DEAF1: variants seen among roughly 807,000 people sequenced by gnomAD.
DEAF1 encodes DEAF1 transcription factor, also known as deformed epidermal autoregulatory factor 1 homolog.
Under a neutral mutation model 58.9 loss-of-function variants are expected in DEAF1, and 53 were observed. That is an observed-to-expected ratio of 0.90 (90% CI 0.72 to 1.13). The LOEUF (loss-of-function observed/expected upper bound fraction) is 1.13, where lower values mean the gene tolerates loss of function less well. DEAF1 is among the 50% of genes most tolerant of loss of function. The pLI, the probability that DEAF1 is intolerant of heterozygous loss-of-function variation, is 0.00. For missense variants in DEAF1, 685 were observed against 791.4 expected (o/e 0.87, Z 1.61); for synonymous variants, 385 against 340.4 (o/e 1.13, Z -1.44).
Position 688,778 on chromosome 11 carries a change from G to A in DEAF1, c.388-318C>T, listed in dbSNP as rs1036730748. Among the ~76,000 whole-genome samples, 2 of 152,166 alleles carry A rather than the reference G, an allele frequency of 1.3e-5. No individual in the cohort carries two copies. Among genetic ancestry groups the A allele is most frequent in the African/African-American group, 2.4e-5 (1 of 41,430 alleles). On this transcript the variant is annotated intron_variant, in intron 2 of 11. Coordinates refer to ENST00000382409, the MANE Select transcript of DEAF1 (RefSeq NM_021008.4). The surrounding 1 kb of genome is among the most constrained non-coding windows in gnomAD (Gnocchi z 4.3). ...CCTGAGCCGCTCCCACAAGGTCACC[G>A]TCTTCATGCAGAGTTTCCAACAGAC...
chr11:704,334 G>A (rs1274144349), intron 1 of DEAF1: 1 of 799,848 alleles, frequency 1.3e-6, no homozygotes, highest in East Asian at 6.3e-5. Context: ...CGGCTGGGGT[G>A]GCTGTGGCTG....
chr11:702,419 A>G (rs1030574077), intron 1 of DEAF1, among the ~76,000 whole-genome samples: 1 of 152,212 alleles, frequency 6.6e-6, no homozygotes, highest in African/African-American at 2.4e-5. Flanking sequence ...TGCTAGGCCA[A>G]CGGGACCCTC....
At chr11:652,130 GA>G (rs1353284070) in intron 11 of DEAF1, among the ~76,000 whole-genome samples, 1 of 152,150 alleles carries the variant, frequency 6.6e-6, no homozygotes, top group Non-Finnish European at 1.5e-5. Context: ...TAAAGGTACT[GA>G]AAAACACTAA....
intron 10 of DEAF1, among the ~76,000 whole-genome samples, chr11:672,457 G>A (rs11246256): frequency 0.014 from 2,199 of 152,020 alleles, 56 homozygotes; most frequent in African/African-American, 0.049. Flanking sequence ...CATTGAATAC[G>A]GCCTGGGATG....
At chr11:680,002 A>G (rs867062060) in intron 7 of DEAF1, 186 bp from the exon 8 acceptor site, 1 of 686,896 alleles carries the variant, frequency 1.5e-6, no homozygotes. Flanking sequence ...CACAGGAGAA[A>G]ACCAGGATGG....
chr11:699,091 C>A, upstream of DEAF1: 1 of 626,200 alleles, frequency 1.6e-6, no homozygotes, highest in Non-Finnish European at 2.8e-6. Flanking sequence ...ACCTGCTCAG[C>A]CCTGCACAAA....
At chr11:650,256 C>T (rs1858702658) in intron 11 of DEAF1, among the ~76,000 whole-genome samples, 1 of 151,090 alleles carries the variant, frequency 6.6e-6, no homozygotes, top group South Asian at 2.1e-4. Flanking sequence ...AGCCTGTAAT[C>T]CCAGCTACTT....
At chr11:655,504 G>A (rs1204502022) in intron 10 of DEAF1, among the ~76,000 whole-genome samples, 1 of 151,754 alleles carries the variant, frequency 6.6e-6, no homozygotes, top group Non-Finnish European at 1.5e-5. Context: ...CCTTGGCGCC[G>A]CGACCTGCAC....
intron 10 of DEAF1, among the ~76,000 whole-genome samples, chr11:658,788 G>T (rs1309721211): frequency 6.6e-6 from 1 of 152,236 alleles, no homozygotes; most frequent in Non-Finnish European, 1.5e-5. Context: ...TTCCTGGCCT[G>T]CCTTCCCTGC....
chr11:659,306 T>C (rs577180589), intron 10 of DEAF1, among the ~76,000 whole-genome samples: 3 of 151,708 alleles, frequency 2.0e-5, no homozygotes, highest in Non-Finnish European at 2.9e-5. Flanking sequence ...GGTGGGAGGA[T>C]TGCTTGAGCC....
intron 11 of DEAF1, among the ~76,000 whole-genome samples, chr11:648,976 C>A (rs1186544075): frequency 6.6e-6 from 1 of 152,192 alleles, no homozygotes; most frequent in Non-Finnish European, 1.5e-5. Flanking sequence ...TTAGGTTTTG[C>A]GCAGTGGCTC....
chr11:702,949 C>T (rs1564963811), intron 1 of DEAF1: 1 of 1,606,032 alleles, frequency 6.2e-7, no homozygotes, highest in Admixed American at 1.7e-5. Flanking sequence ...CTCCAGGCAC[C>T]AGGGGCAACC....
At chr11:679,663 T>C in intron 8 of DEAF1, 25 bp downstream of exon 8, 1 of 1,608,990 alleles carries the variant, frequency 6.2e-7, no homozygotes, top group Non-Finnish European at 8.5e-7. Context: ...TGAGGACGCG[T>C]CAGGCAGGCA....
intron 6 of DEAF1, among the ~76,000 whole-genome samples, chr11:683,387 T>C (rs1860455608): frequency 1.3e-5 from 2 of 152,216 alleles, no homozygotes; most frequent in African/African-American, 4.8e-5. Context: ...TTGTCTCTGC[T>C]GATGAACGTC....
At chr11:694,532 G>A (rs1861008802) in intron 1 of DEAF1, 2 of 362,884 alleles carry the variant, frequency 5.5e-6, no homozygotes. Flanking sequence ...AGATGTGAGG[G>A]GTGAGCTAGT....
intron 6 of DEAF1, 134 bp downstream of exon 6, chr11:684,764 G>C: frequency 1.3e-6 from 1 of 778,612 alleles, no homozygotes; most frequent in Non-Finnish European, 2.2e-6. Context: ...AGCAACCCAG[G>C]AGAAGTGAGG....
chr11:662,572 C>T (rs1014203371), intron 10 of DEAF1, among the ~76,000 whole-genome samples: 1 of 152,138 alleles, frequency 6.6e-6, no homozygotes, highest in Admixed American at 6.5e-5. Flanking sequence ...GGTTGCTCCG[C>T]GTTGCTGTTG....
At chr11:683,953 G>T (rs556328276) in intron 6 of DEAF1, among the ~76,000 whole-genome samples, 1 of 152,248 alleles carries the variant, frequency 6.6e-6, no homozygotes, top group South Asian at 2.1e-4. Context: ...CTTTACTCCT[G>T]CAGCGTCTCT....
chr11:661,900 C>T (rs1239828509), intron 10 of DEAF1, among the ~76,000 whole-genome samples: 1 of 152,364 alleles, frequency 6.6e-6, no homozygotes, highest in South Asian at 2.1e-4. Context: ...TTACAAATAA[C>T]AATTTAATGG....
Sources: allele counts gnomAD v4.1 joint callset (sites outside exome capture counted in the v4.1 genomes callset), GRCh38; gene constraint gnomAD v4.1.1; non-coding constraint Gnocchi (gnomAD v3.1); transcripts MANE v1.5; gene names NCBI Gene and HGNC (gene_info 2026-07-23, HGNC 2026-07-21).